The following ATF7 variants were observed in gnomAD, a reference collection of about 807,000 sequenced individuals.
The protein encoded by ATF7 is activating transcription factor 7.
In ATF7, 10 loss-of-function variants were observed where a neutral mutation model predicts 50.4. The ratio of observed to expected loss-of-function variants is 0.20; its 90% CI spans 0.12 to 0.34. ATF7 has a LOEUF of 0.34. Ranked by LOEUF, ATF7 falls within the 10% of genes least tolerant of loss-of-function variation. The pLI, the probability that ATF7 is intolerant of heterozygous loss-of-function variation, is 1.00. For missense variants in ATF7, 465 were observed against 613.9 expected, an observed-to-expected ratio of 0.76 and a Z score of 2.56; for synonymous variants, 201 against 226.4, an observed-to-expected ratio of 0.89 and a Z score of 1.01.
At chr12:53,552,681 A>T in intron 2 of ATF7, 44 bp from the exon 3 acceptor site, 1 of 1,495,380 alleles carries the variant, frequency 6.7e-7, no homozygotes, top group Non-Finnish European at 9.3e-7. Flanking sequence ...CAAAAACAAA[A>T]ACCCGATTCG....
intron 2 of ATF7, among the ~76,000 whole-genome samples, chr12:53,581,199 C>T (rs1942408400): frequency 6.6e-6 from 1 of 152,010 alleles, no homozygotes; most frequent in Non-Finnish European, 1.5e-5. Context: ...GAAGGAAAAA[C>T]TGACAGAACT....
intron 5 of ATF7, among the ~76,000 whole-genome samples, chr12:53,535,864 G>A (rs939665874): frequency 1.3e-5 from 2 of 151,906 alleles, no homozygotes; most frequent in African/African-American, 4.8e-5. Flanking sequence ...ACAACAAAAT[G>A]ACTTTTAGGC....
At position 53,600,845 on chromosome 12, in the gene ATF7, C is replaced by T. The variant is rs566021222; in HGVS notation, c.48+108G>A. The T allele has an allele frequency of 1.0e-5, 11 of 1,061,898 alleles. No homozygotes were observed. In the South Asian group the frequency reaches 1.6e-4, roughly 15 times the overall value. 65.8% of individuals were successfully genotyped at this position (1,061,898 alleles called of 1,614,324 possible). A position where few individuals can be genotyped will look rare whatever the true frequency, so the allele number is the denominator to read the frequency against. ...CACTGCAAATCCTCTGATCTGATTA[C>T]CTCCAGTGATCACGTAAAATACTGG... On this transcript the variant is annotated intron_variant, in intron 2 of 11. Transcript: ENST00000420353.
intron 2 of ATF7, among the ~76,000 whole-genome samples, chr12:53,583,909 A>G (rs1171836212): frequency 2.0e-5 from 3 of 152,246 alleles, no homozygotes; most frequent in African/African-American, 4.8e-5. Context: ...CACTTCACCA[A>G]AGAAAAATAC....
In ATF7 at chr12:53,587,366, C is replaced by CAAAAAA. The variant is rs55904354; in HGVS notation, c.48+13581_48+13586dup. On this transcript the variant is annotated intron_variant, in intron 2 of 11. Coordinates refer to ENST00000420353, the MANE Select transcript of ATF7 (RefSeq NM_006856.3). Reference sequence around the variant, plus strand: ...TGGGTGACAGAGCGAAATTCCGCATCAAAAAAAAAAAAAAAAAGAAGGAAA... The same window carrying CAAAAAA: ...TGGGTGACAGAGCGAAATTCCGCATCAAAAAAAAAAAAAAAAAAAAAAAGAAGGAAA... 1.1e-3 allele frequency among the ~76,000 whole-genome samples: 69 copies of CAAAAAA among 62,300 alleles called. 2 individuals are homozygous for CAAAAAA. Among genetic ancestry groups the CAAAAAA allele is most frequent in the African/African-American group, 3.2e-3 (58 of 18,352 alleles). The allele number at this position is 62,300 out of a possible 152,430, so 40.9% of individuals were successfully genotyped here.
intron 1 of ATF7, among the ~76,000 whole-genome samples, chr12:53,604,185 G>A (rs574490010): frequency 6.6e-6 from 1 of 152,292 alleles, no homozygotes; most frequent in East Asian, 1.9e-4. Flanking sequence ...TCTTAGAACA[G>A]GGAAGACAAA....
chr12:53,570,594 G>A (rs1287228539), intron 2 of ATF7, among the ~76,000 whole-genome samples: 1 of 152,162 alleles, frequency 6.6e-6, no homozygotes, highest in African/African-American at 2.4e-5. Context: ...GGCCAGAGGT[G>A]TTACCAGGGT....
chr12:53,553,965 TA>T (rs1940545676), intron 2 of ATF7, among the ~76,000 whole-genome samples: 1 of 152,158 alleles, frequency 6.6e-6, no homozygotes, highest in Admixed American at 6.5e-5. Flanking sequence ...AATTTACAAC[TA>T]AAGCCAATTT....
At chr12:53,602,742 C>T (rs1220732174) in intron 1 of ATF7, among the ~76,000 whole-genome samples, 1 of 152,184 alleles carries the variant, frequency 6.6e-6, no homozygotes, top group Non-Finnish European at 1.5e-5. Context: ...GAAATGAGAG[C>T]TTCATTCTTC....
intron 9 of ATF7, among the ~76,000 whole-genome samples, chr12:53,529,703 A>ACAC (rs1256357865): frequency 1.7e-5 from 2 of 119,902 alleles, no homozygotes; most frequent in African/African-American, 7.1e-5. Context: ...ACATATATAT[A>ACAC]TACACATACA....
At chr12:53,587,840 TA>T (rs1385395471) in intron 2 of ATF7, among the ~76,000 whole-genome samples, 111 of 50,934 alleles carry the variant, frequency 2.2e-3, no homozygotes, top group Admixed American at 4.2e-3. Context: ...TATATATATA[TA>T]TATTTTTTTT....
chr12:53,586,917 C>T (rs1942709662), intron 2 of ATF7, among the ~76,000 whole-genome samples: 1 of 152,206 alleles, frequency 6.6e-6, no homozygotes, highest in African/African-American at 2.4e-5. Context: ...TGGTCAGTTA[C>T]AACCTTACCC....
intron 11 of ATF7, among the ~76,000 whole-genome samples, chr12:53,521,731 T>C (rs999675920): frequency 1.4e-4 from 21 of 152,340 alleles, no homozygotes; most frequent in South Asian, 4.1e-4. Context: ...CACTAAAATA[T>C]AAGCTCCTCA....
intron 1 of ATF7, among the ~76,000 whole-genome samples, chr12:53,608,477 G>T (rs1179276590): frequency 6.6e-6 from 1 of 152,030 alleles, no homozygotes; most frequent in Non-Finnish European, 1.5e-5. Flanking sequence ...ATTCAAAATA[G>T]CTCCTCCTTT....
At chr12:53,578,031 G>C (rs1942195820) in intron 2 of ATF7, among the ~76,000 whole-genome samples, 1 of 152,090 alleles carries the variant, frequency 6.6e-6, no homozygotes, top group South Asian at 2.1e-4. Context: ...CATGCAAGCA[G>C]AGAGTACAGT....
At chr12:53,580,314 T>C (rs191399448) in intron 2 of ATF7, among the ~76,000 whole-genome samples, 3 of 149,242 alleles carry the variant, frequency 2.0e-5, no homozygotes, top group Admixed American at 2.0e-4. Flanking sequence ...AAACAAGACC[T>C]AACTGTATGT....
intron 3 of ATF7, 89 bp from the exon 4 acceptor site, chr12:53,543,537 C>T: frequency 7.4e-7 from 1 of 1,344,418 alleles, no homozygotes; most frequent in Non-Finnish European, 1.0e-6. Flanking sequence ...TGCATTTGTA[C>T]TTTTTGATTT....
At chr12:53,531,145 G>A (rs1938850878) in intron 9 of ATF7, among the ~76,000 whole-genome samples, 1 of 151,966 alleles carries the variant, frequency 6.6e-6, no homozygotes, top group East Asian at 1.9e-4. Flanking sequence ...ATGGGGCTGG[G>A]CATGGTGGCT....
At chr12:53,544,522 G>C (rs796732290) in intron 3 of ATF7, among the ~76,000 whole-genome samples, 1 of 152,182 alleles carries the variant, frequency 6.6e-6, no homozygotes, top group Non-Finnish European at 1.5e-5. Flanking sequence ...TGAGATGGGT[G>C]TATCACTTGA....
Sources: gnomAD v4.1 joint callset for allele counts (sites outside exome capture counted in the v4.1 genomes callset) on GRCh38, gnomAD v4.1.1 for gene constraint, MANE v1.5 for transcripts, NCBI Gene and HGNC (gene_info 2026-07-23, HGNC 2026-07-21) for gene names.